The following FRMD3 variants were observed in gnomAD, a reference collection of about 807,000 sequenced individuals.
FRMD3 encodes the protein FERM domain-containing protein 3.
In FRMD3, 33 loss-of-function variants were observed where a neutral mutation model predicts 70.2. That is an observed-to-expected ratio of 0.47 (90% CI 0.36 to 0.63). The LOEUF (loss-of-function observed/expected upper bound fraction) is 0.63. Ranked by LOEUF, FRMD3 falls within the 20% of genes least tolerant of loss-of-function variation. FRMD3 has a pLI of 0.00. For synonymous variants in FRMD3, 279 were observed against 255.9 expected (o/e 1.09, Z -0.86); for missense variants, 632 against 711.4 (o/e 0.89, Z 1.27).
intron 1 of FRMD3, among the ~76,000 whole-genome samples, chr9:83,461,195 C>T (rs1587875976): frequency 1.3e-5 from 2 of 152,050 alleles, no homozygotes; most frequent in Admixed American, 6.5e-5. Context: ...GGTCCTTAGA[C>T]GTGGAAGAAG....
At chr9:83,425,687 C>G (rs1826781812) in intron 1 of FRMD3, among the ~76,000 whole-genome samples, 1 of 152,028 alleles carries the variant, frequency 6.6e-6, no homozygotes, top group South Asian at 2.1e-4. Context: ...GGGAGGATCA[C>G]TTGAGGTCAG....
At chr9:83,559,685 G>A in the FRMD3 span, among the ~76,000 whole-genome samples, 8 of 152,208 alleles carry the variant, frequency 5.3e-5, no homozygotes, top group Admixed American at 4.6e-4. Flanking sequence ...CGCAGGACTT[G>A]AAAGTAGCCA....
chr9:83,541,345 T>C (rs118128683), upstream of FRMD3, among the ~76,000 whole-genome samples: 3 of 152,228 alleles, frequency 2.0e-5, no homozygotes, highest in Non-Finnish European at 4.4e-5. Flanking sequence ...CAATGTACTA[T>C]CTAAATTGAC....
At chr9:83,527,826 A>G (rs1264241823) in intron 1 of FRMD3, among the ~76,000 whole-genome samples, 8 of 152,130 alleles carry the variant, frequency 5.3e-5, no homozygotes, top group Admixed American at 6.5e-5. Context: ...CCCTAGTCCT[A>G]TTATTTTTCC....
chr9:83,306,140 G>T (rs954093611), intron 10 of FRMD3, among the ~76,000 whole-genome samples: 4 of 152,138 alleles, frequency 2.6e-5, no homozygotes, highest in Non-Finnish European at 5.9e-5. Context: ...AATAGCAAAT[G>T]AATGTCTCCA....
At chr9:83,475,623 G>GAAA (rs1217712343) in intron 1 of FRMD3, among the ~76,000 whole-genome samples, 1 of 151,816 alleles carries the variant, frequency 6.6e-6, no homozygotes, top group Non-Finnish European at 1.5e-5. Context: ...CAAATTTGAG[G>GAAA]AAAAAAATTC....
chr9:83,281,956 T>C (rs148094160), intron 13 of FRMD3, among the ~76,000 whole-genome samples: 2 of 152,342 alleles, frequency 1.3e-5, no homozygotes, highest in Non-Finnish European at 2.9e-5. Flanking sequence ...AAATAAAATA[T>C]GTTGTCTCTT....
chr9:83,427,781 T>C (rs149616668), intron 1 of FRMD3, among the ~76,000 whole-genome samples: 1,819 of 152,144 alleles, frequency 0.012, 50 homozygotes, highest in African/African-American at 0.042. Flanking sequence ...AGATAAAACT[T>C]AAAAGGCCAG....
chr9:83,503,471 C>T (rs977378682), intron 1 of FRMD3, among the ~76,000 whole-genome samples: 10 of 152,148 alleles, frequency 6.6e-5, no homozygotes, highest in African/African-American at 2.2e-4. Context: ...AATTCTACCA[C>T]CAACCTGAAC....
rs1045741525 is a variant in FRMD3, at chr9:83,245,448, C to A, written c.*2470G>T. 3.0e-6 allele frequency: 3 copies of A among 985,030 alleles called. No homozygotes were observed. In the African/African-American group the frequency reaches 5.2e-5, roughly 17 times the overall value. The allele number at this position is 985,030 out of a possible 1,614,324, so 61.0% of individuals were successfully genotyped here. ...TTGATGGCTGTTTAAATTCAGCAGA[C>A]CCTATTCTGTCAACTTCTTCACTTA... On this transcript the variant is annotated 3_prime_UTR_variant, in exon 14 of 14. Transcript: ENST00000304195.
intron 2 of FRMD3, among the ~76,000 whole-genome samples, chr9:83,385,040 G>C (rs1162791970): frequency 1.3e-5 from 2 of 152,052 alleles, no homozygotes; most frequent in Non-Finnish European, 2.9e-5. Flanking sequence ...AAGAACATAA[G>C]GGGAAAACCC....
chr9:83,351,289 C>T (rs1353054047), intron 3 of FRMD3, among the ~76,000 whole-genome samples: 1 of 146,384 alleles, frequency 6.8e-6, no homozygotes, highest in African/African-American at 2.5e-5. Flanking sequence ...AGAGCAGCAT[C>T]TTGCTGATGA....
the FRMD3 span, among the ~76,000 whole-genome samples, chr9:83,555,779 C>T: frequency 6.6e-6 from 1 of 152,186 alleles, no homozygotes; most frequent in Non-Finnish European, 1.5e-5. Context: ...CATGCTTGAG[C>T]AGCTGCTCTG....
intron 13 of FRMD3, among the ~76,000 whole-genome samples, chr9:83,289,616 C>A (rs962723160): frequency 1.8e-4 from 27 of 152,304 alleles, no homozygotes; most frequent in African/African-American, 6.3e-4. Flanking sequence ...GAAATAAATT[C>A]TTGACTTGAA....
chr9:83,464,369 G>A (rs552324006), intron 1 of FRMD3, among the ~76,000 whole-genome samples: 1 of 152,220 alleles, frequency 6.6e-6, no homozygotes, highest in Non-Finnish European at 1.5e-5. Context: ...TGCTGGTTCA[G>A]GAACCAGCAA....
intron 1 of FRMD3, among the ~76,000 whole-genome samples, chr9:83,494,858 T>TGC (rs67136269): frequency 0.023 from 3,439 of 148,820 alleles, 92 homozygotes; most frequent in South Asian, 0.09. Context: ...TGTGTGTGTG[T>TGC]GCGCGCGCGC....
At chr9:83,348,600 T>A (rs569096325) in intron 4 of FRMD3, among the ~76,000 whole-genome samples, 1 of 152,110 alleles carries the variant, frequency 6.6e-6, no homozygotes, top group Admixed American at 6.5e-5. Flanking sequence ...TTATACACTT[T>A]AAAATGGTGA....
Position 83,248,065 on chromosome 9 carries a change from A to G in FRMD3, c.1647T>C (p.Leu549=), listed in dbSNP as rs201088697. ...AGGAGAGATCAATACCTGACTCCAA[A>G]AGGAGGAGGAGCAGGGGAAATACAA... ...LLFVFPLLLL[L]LESGIDLSFL... Residue 549 remains leucine (L), a synonymous_variant, in exon 14 of 14, where the codon CTT becomes CTC. Transcript: ENST00000304195. 81 of 1,614,022 alleles carry G rather than the reference A, an allele frequency of 5.0e-5. No homozygotes were observed. Among genetic ancestry groups the G allele is most frequent in the Non-Finnish European group, 6.1e-5 (72 of 1,180,038 alleles).
At chr9:83,363,166 T>C (rs903674275) in intron 3 of FRMD3, among the ~76,000 whole-genome samples, 3 of 152,186 alleles carry the variant, frequency 2.0e-5, no homozygotes, top group African/African-American at 7.2e-5. Context: ...AAGCCTCATG[T>C]CCCTATATTA....
Sources: gnomAD v4.1 joint callset for allele counts (sites outside exome capture counted in the v4.1 genomes callset) on GRCh38, gnomAD v4.1.1 for gene constraint, MANE v1.5 for transcripts, NCBI Gene and HGNC (gene_info 2026-07-23, HGNC 2026-07-21) for gene names.